Variants in CNTN5 observed in about 807,000 individuals in gnomAD.
The protein encoded by CNTN5 is contactin 5, also known as contactin-5.
A neutral mutation model predicts 129.1 loss-of-function variants in CNTN5; 77 were observed. The ratio of observed to expected loss-of-function variants is 0.60; its 90% CI spans 0.50 to 0.72. The LOEUF (loss-of-function observed/expected upper bound fraction) is 0.72. Among genes scored for constraint, CNTN5 ranks in the 30% least tolerant of loss-of-function variants. The probability of loss-of-function intolerance (pLI) is 0.00; values close to 1 mark genes in which losing one functional copy is unlikely to be tolerated. For synonymous variants in CNTN5, 509 were observed against 465.6 expected, an observed-to-expected ratio of 1.09 and a Z score of -1.20; for missense variants, 1,478 against 1,328.8, an observed-to-expected ratio of 1.11 and a Z score of -1.75.
chr11:100,220,419 G>T (rs1404924433), intron 15 of CNTN5, among the ~76,000 whole-genome samples: 1 of 152,038 alleles, frequency 6.6e-6, no homozygotes, highest in African/African-American at 2.4e-5. Flanking sequence ...ATTTATGCTA[G>T]ATAAGATTTA....
chr11:99,045,585 G>T (rs1438969392), intron 1 of CNTN5, among the ~76,000 whole-genome samples: 3 of 152,156 alleles, frequency 2.0e-5, no homozygotes, highest in Non-Finnish European at 4.4e-5. Context: ...AGTTCTAAAA[G>T]CCATTTCAGA....
In CNTN5 at chr11:100,353,798, T is replaced by TTG. The variant is rs143509336; in HGVS notation, c.3200-2304_3200-2303dup. ...AAGGAAAGATTTACGCTTTTTGCAT[T>TTG]TGTGTGTGTGTGTGTGCACGCCCAT... is the stretch of plus-strand genomic sequence containing the variant. On this transcript the variant is annotated intron_variant, in intron 24 of 24. Transcript: ENST00000524871. 3.1e-3 allele frequency among the ~76,000 whole-genome samples: 460 copies of TTG among 150,572 alleles called. 1 individual carries two copies. Among genetic ancestry groups the TTG allele is most frequent in the Non-Finnish European group, 5.5e-3 (367 of 67,212 alleles).
At chr11:99,832,453 T>A (rs1398303747) in intron 4 of CNTN5, among the ~76,000 whole-genome samples, 1 of 152,208 alleles carries the variant, frequency 6.6e-6, no homozygotes, top group South Asian at 2.1e-4. Context: ...ACTTATGTTG[T>A]GTGTACAACG....
chr11:99,079,531 C>G (rs138069777), intron 1 of CNTN5, among the ~76,000 whole-genome samples: 73 of 152,276 alleles, frequency 4.8e-4, no homozygotes, highest in African/African-American at 1.7e-3. Context: ...TCAGTAGGAT[C>G]TTGCAAATTC....
intron 6 of CNTN5, among the ~76,000 whole-genome samples, chr11:99,882,268 A>T (rs1311307924): frequency 6.6e-6 from 1 of 152,216 alleles, no homozygotes; most frequent in African/African-American, 2.4e-5. Flanking sequence ...TCTCCTGTTA[A>T]AAGACTTATG....
intron 1 of CNTN5, among the ~76,000 whole-genome samples, chr11:99,094,287 G>A (rs1866379579): frequency 6.6e-6 from 1 of 151,942 alleles, no homozygotes; most frequent in Admixed American, 6.6e-5. Context: ...TACTACCCAT[G>A]TATAATTTAA....
At chr11:99,428,984 G>A (rs953619285) in intron 2 of CNTN5, among the ~76,000 whole-genome samples, 15 of 151,972 alleles carry the variant, frequency 9.9e-5, no homozygotes, top group Admixed American at 6.5e-5. Context: ...ATTCTGTTTT[G>A]AGCTGCATTT....
At chr11:100,035,450 T>C (rs1251299430) in intron 9 of CNTN5, among the ~76,000 whole-genome samples, 14 of 147,020 alleles carry the variant, frequency 9.5e-5, no homozygotes, top group South Asian at 2.2e-4. Flanking sequence ...TGTGTCTTTA[T>C]AGCAGCATGA....
chr11:100,315,370 A>C (rs895667938), intron 21 of CNTN5, among the ~76,000 whole-genome samples: 2 of 152,184 alleles, frequency 1.3e-5, no homozygotes, highest in African/African-American at 2.4e-5. Context: ...ATAGTGATTG[A>C]TTTTTGTTAT....
At chr11:99,257,483 G>A (rs771327715) in intron 1 of CNTN5, among the ~76,000 whole-genome samples, 4 of 151,874 alleles carry the variant, frequency 2.6e-5, no homozygotes, top group Non-Finnish European at 4.4e-5. Context: ...ATAATTTCAT[G>A]ATGAGAACAC....
chr11:100,142,633 G>A (rs1383216022), intron 13 of CNTN5, among the ~76,000 whole-genome samples: 1 of 152,164 alleles, frequency 6.6e-6, no homozygotes, highest in East Asian at 1.9e-4. Flanking sequence ...CATCCTAGGT[G>A]TAGACAGAAA....
chr11:99,480,369 C>T (rs1019469300), intron 2 of CNTN5, among the ~76,000 whole-genome samples: 1 of 152,154 alleles, frequency 6.6e-6, no homozygotes, highest in African/African-American at 2.4e-5. Context: ...AGCTGTTTCA[C>T]TGGCTTTCAA....
chr11:99,283,959 T>C (rs1164100041), intron 1 of CNTN5, among the ~76,000 whole-genome samples: 1 of 152,148 alleles, frequency 6.6e-6, no homozygotes, highest in Non-Finnish European at 1.5e-5. Flanking sequence ...TGGACATATG[T>C]ATTAAAAACA....
chr11:99,986,267 T>C (rs1347231483), intron 8 of CNTN5, among the ~76,000 whole-genome samples: 2 of 152,182 alleles, frequency 1.3e-5, no homozygotes, highest in African/African-American at 4.8e-5. Context: ...TTGGCAAACC[T>C]CTTACCTCAA....
chr11:99,973,094 A>T (rs1208550362), intron 8 of CNTN5, among the ~76,000 whole-genome samples: 2 of 152,038 alleles, frequency 1.3e-5, no homozygotes, highest in African/African-American at 4.8e-5. Flanking sequence ...TGTTGGAGGG[A>T]ATCTCACTAA....
intron 17 of CNTN5, among the ~76,000 whole-genome samples, chr11:100,257,375 C>T (rs374325356): frequency 1.5e-4 from 23 of 152,284 alleles, no homozygotes; most frequent in Admixed American, 8.5e-4. Context: ...CAGACTTAAA[C>T]GTTCCCGCCT....
chr11:99,744,617 G>T (rs1398874765), intron 3 of CNTN5, among the ~76,000 whole-genome samples: 2 of 144,710 alleles, frequency 1.4e-5, no homozygotes, highest in African/African-American at 5.1e-5. Flanking sequence ...CTACTCAGGG[G>T]ACTGTGATGG....
At chr11:99,943,216 A>G (rs1950480301) in intron 7 of CNTN5, among the ~76,000 whole-genome samples, 1 of 152,026 alleles carries the variant, frequency 6.6e-6, no homozygotes. Context: ...TGACTTTTTA[A>G]TGATCGCCAT....
chr11:99,699,613 A>C (rs1485891602), intron 3 of CNTN5, among the ~76,000 whole-genome samples: 1 of 151,514 alleles, frequency 6.6e-6, no homozygotes, highest in Non-Finnish European at 1.5e-5. Context: ...CGAAGTATTA[A>C]GTGTATATAA....
Sources: allele counts gnomAD v4.1 joint callset (sites outside exome capture counted in the v4.1 genomes callset), GRCh38; gene constraint gnomAD v4.1.1; transcripts MANE v1.5; gene names NCBI Gene and HGNC (gene_info 2026-07-23, HGNC 2026-07-21).